The following DENND1A variants were observed in gnomAD, a reference collection of about 807,000 sequenced individuals.
DENND1A encodes the protein DENN domain-containing protein 1A.
Under a neutral mutation model 113.7 loss-of-function variants are expected in DENND1A, and 51 were observed. That is an observed-to-expected ratio of 0.45 (90% CI 0.36 to 0.57). The LOEUF (loss-of-function observed/expected upper bound fraction) is 0.57. Ranked by LOEUF, DENND1A falls within the 20% of genes least tolerant of loss-of-function variation. DENND1A has a pLI of 0.00. For missense variants in DENND1A, 1,258 were observed against 1,395.9 expected (o/e 0.90, Z 1.57); for synonymous variants, 565 against 570.8 (o/e 0.99, Z 0.14).
rs550970157 is a variant in DENND1A, at chr9:123,727,815, T to A, written c.302+29888A>T. Among the ~76,000 whole-genome samples the A allele has an allele frequency of 1.9e-3, 284 of 152,062 alleles. 1 individual carries two copies. Among genetic ancestry groups the A allele is most frequent in the South Asian group, 9.1e-3 (44 of 4,810 alleles). On this transcript the variant is annotated intron_variant, in intron 5 of 23. Transcript: ENST00000394215. ...AACACCAAAGAAAGAAATCAAAGAA[T>A]CCCTAAATAGGCCAGGCGTGGTGGC...
intron 5 of DENND1A, among the ~76,000 whole-genome samples, chr9:123,688,729 C>A (rs1367420880): frequency 6.6e-6 from 1 of 152,190 alleles, no homozygotes; most frequent in Non-Finnish European, 1.5e-5. Context: ...CACGACAAGG[C>A]ACCCAAAGCT....
intron 5 of DENND1A, among the ~76,000 whole-genome samples, chr9:123,711,578 G>A (rs2140956521): frequency 6.8e-6 from 1 of 146,072 alleles, no homozygotes; most frequent in East Asian, 2.0e-4. Flanking sequence ...CACTGCTACT[G>A]TGACATCCTA....
intron 5 of DENND1A, among the ~76,000 whole-genome samples, chr9:123,731,066 A>G (rs924776260): frequency 1.3e-5 from 2 of 152,110 alleles, no homozygotes; most frequent in African/African-American, 4.8e-5. Flanking sequence ...GTGAGAACAC[A>G]TGGACACGGA....
intron 13 of DENND1A, among the ~76,000 whole-genome samples, chr9:123,496,669 G>A (rs1183400877): frequency 6.6e-6 from 1 of 152,178 alleles, no homozygotes; most frequent in Non-Finnish European, 1.5e-5. Context: ...GCGGAACTGC[G>A]CAAATATCCT....
chr9:123,417,770 C>A (rs2044857460), intron 19 of DENND1A, among the ~76,000 whole-genome samples: 1 of 152,040 alleles, frequency 6.6e-6, no homozygotes, highest in Non-Finnish European at 1.5e-5. Flanking sequence ...TTCATTTGTC[C>A]ATTCATTCAA....
intron 5 of DENND1A, among the ~76,000 whole-genome samples, chr9:123,727,439 AATCT>A (rs2067787121): frequency 6.6e-6 from 1 of 152,232 alleles, no homozygotes; most frequent in Admixed American, 6.5e-5. Flanking sequence ...TTCTGTCTCA[AATCT>A]AACCCACCTA....
At chr9:123,573,281 T>C (rs1056058820) in intron 12 of DENND1A, among the ~76,000 whole-genome samples, 4 of 152,138 alleles carry the variant, frequency 2.6e-5, no homozygotes, top group African/African-American at 7.2e-5. Context: ...TGCATATTCA[T>C]ATACATTTTA....
rs2059334252 is a variant in DENND1A at position 123,589,015 on chromosome 9, C to T, written c.766-5745G>A. Among the ~76,000 whole-genome samples, 4 of 152,108 alleles carry T rather than the reference C, an allele frequency of 2.6e-5. No homozygotes were observed. The South Asian group carries it at 8.3e-4, about 32-fold the overall frequency. The stretch of plus-strand genomic sequence containing the variant: ...TCTCCTGATCTCGTGATCCACCCAC[C>T]TCGGCCTCCCAAAGTGCTCGGATGA... On this transcript the variant is annotated intron_variant, in intron 11 of 23. Transcript: ENST00000394215.
At chr9:123,822,062 A>C (rs1838568242) in intron 2 of DENND1A, among the ~76,000 whole-genome samples, 1 of 152,184 alleles carries the variant, frequency 6.6e-6, no homozygotes, top group Non-Finnish European at 1.5e-5. Flanking sequence ...AATCATAACT[A>C]TTATTGTCTT....
intron 1 of DENND1A, among the ~76,000 whole-genome samples, chr9:123,916,077 C>T (rs1455224168): frequency 6.6e-6 from 1 of 152,004 alleles, no homozygotes; most frequent in Non-Finnish European, 1.5e-5. Flanking sequence ...AAGGTGCATA[C>T]ACAAGACTAT....
At chr9:123,659,738 T>C (rs923820014) in intron 8 of DENND1A, among the ~76,000 whole-genome samples, 4 of 152,174 alleles carry the variant, frequency 2.6e-5, no homozygotes, top group African/African-American at 9.6e-5. Flanking sequence ...CAGAGTCTGG[T>C]TGTCTCTAAA....
intron 4 of DENND1A, among the ~76,000 whole-genome samples, chr9:123,761,912 C>T (rs12343069): frequency 0.13 from 19,954 of 152,116 alleles, 1,825 homozygotes; most frequent in African/African-American, 0.26. Context: ...TTTGAGTTTA[C>T]CTCAGCATCC....
chr9:123,860,660 C>T (rs1407155726), intron 2 of DENND1A, among the ~76,000 whole-genome samples: 1 of 152,214 alleles, frequency 6.6e-6, no homozygotes, highest in East Asian at 1.9e-4. Flanking sequence ...TCCCATTTCC[C>T]CAGTGCATTG....
chr9:123,550,277 C>T (rs1469231576), intron 13 of DENND1A, among the ~76,000 whole-genome samples: 1 of 152,252 alleles, frequency 6.6e-6, no homozygotes, highest in Non-Finnish European at 1.5e-5. Context: ...AGTTTGCTTA[C>T]TGCCCCCACC....
At chr9:123,621,171 T>A (rs2138230885) in intron 10 of DENND1A, among the ~76,000 whole-genome samples, 1 of 151,650 alleles carries the variant, frequency 6.6e-6, no homozygotes, top group Admixed American at 6.6e-5. Flanking sequence ...AAAAAAAAAA[T>A]TCAGTTGAAA....
chr9:123,621,095 T>C (rs954953011), intron 10 of DENND1A, among the ~76,000 whole-genome samples: 1 of 152,194 alleles, frequency 6.6e-6, no homozygotes, highest in African/African-American at 2.4e-5. Flanking sequence ...TAAGAGAATT[T>C]TGGCCACAAC....
intron 12 of DENND1A, among the ~76,000 whole-genome samples, chr9:123,561,709 T>C (rs969362782): frequency 1.3e-5 from 2 of 152,008 alleles, no homozygotes; most frequent in African/African-American, 2.4e-5. Context: ...TCGGGTGTTA[T>C]AGGAGGAAGA....
intron 5 of DENND1A, among the ~76,000 whole-genome samples, chr9:123,740,520 A>T (rs575366953): frequency 4.3e-4 from 65 of 152,296 alleles, no homozygotes; most frequent in Non-Finnish European, 6.8e-4. Context: ...AAAGTCTTTG[A>T]GACCTTTTCT....
chr9:123,688,338 T>C (rs2064950255), intron 5 of DENND1A, among the ~76,000 whole-genome samples: 1 of 152,216 alleles, frequency 6.6e-6, no homozygotes, highest in African/African-American at 2.4e-5. Context: ...TACATTTGAT[T>C]AGCTGTTGTC....
Sources: allele counts gnomAD v4.1 joint callset (sites outside exome capture counted in the v4.1 genomes callset), GRCh38; gene constraint gnomAD v4.1.1; transcripts MANE v1.5; gene names NCBI Gene and HGNC (gene_info 2026-07-23, HGNC 2026-07-21).